LY6S: variants seen among roughly 807,000 people sequenced by gnomAD.
LY6S encodes the protein lymphocyte antigen 6 family member S, also known as lymphocyte antigen 6S.
chr8:143,052,885 C>CT, the LY6S span, among the ~76,000 whole-genome samples: 2 of 152,186 alleles, frequency 1.3e-5, no homozygotes, highest in South Asian at 4.1e-4. Flanking sequence ...TTTGAAATGA[C>CT]TTATGGGAGA....
chr8:143,043,576 C>T, the LY6S span, among the ~76,000 whole-genome samples: 1 of 152,206 alleles, frequency 6.6e-6, no homozygotes, highest in Non-Finnish European at 1.5e-5. Context: ...CTCACCCTGC[C>T]CCGGCCTTGG....
the LY6S span, among the ~76,000 whole-genome samples, chr8:143,061,318 G>C: frequency 6.6e-6 from 1 of 151,938 alleles, no homozygotes; most frequent in South Asian, 2.1e-4. Flanking sequence ...CATGCTGATA[G>C]TATTAGGCAG....
At chr8:143,057,507 C>G in the LY6S span, 337 of 758,948 alleles carry the variant, frequency 4.4e-4, 1 homozygote, top group Non-Finnish European at 4.3e-4. Context: ...CCCGGCCTCC[C>G]AAAGTGCTGG....
the LY6S span, among the ~76,000 whole-genome samples, chr8:143,069,082 A>T: frequency 6.6e-6 from 1 of 152,134 alleles, no homozygotes; most frequent in African/African-American, 2.4e-5. Flanking sequence ...CAAGGAAGCG[A>T]GCTGGCCCCG....
chr8:143,052,009 T>C, the LY6S span, among the ~76,000 whole-genome samples: 15 of 141,208 alleles, frequency 1.1e-4, no homozygotes, highest in South Asian at 2.3e-4. Context: ...AAGCCGGGCG[T>C]GGTGGCCCAA....
chr8:143,069,204 A>G, the LY6S span, among the ~76,000 whole-genome samples: 33 of 152,326 alleles, frequency 2.2e-4, no homozygotes, highest in East Asian at 5.0e-3. Context: ...AGAAAGAGAC[A>G]AGGCTGCGGA....
the LY6S span, among the ~76,000 whole-genome samples, chr8:143,074,113 G>T: frequency 6.6e-6 from 1 of 152,178 alleles, no homozygotes; most frequent in East Asian, 1.9e-4. Flanking sequence ...ACTAAATATG[G>T]TTTTCTCCAG....
At chr8:143,066,598 T>C in the LY6S span, 3 of 267,082 alleles carry the variant, frequency 1.1e-5, no homozygotes, top group African/African-American at 2.2e-5. Context: ...CTTGGAGGCA[T>C]AGACCGGAAA....
the LY6S span, among the ~76,000 whole-genome samples, chr8:143,070,119 T>A: frequency 3.3e-5 from 5 of 151,968 alleles, no homozygotes; most frequent in Non-Finnish European, 7.4e-5. Flanking sequence ...AGATGGCATC[T>A]GCTCCCTGCA....
At chr8:143,055,202 T>TG in the LY6S span, among the ~76,000 whole-genome samples, 48 of 151,824 alleles carry the variant, frequency 3.2e-4, no homozygotes, top group South Asian at 1.0e-3. Flanking sequence ...GTTTTTTTTT[T>TG]TTGTTGTTGT....
At chr8:143,072,927 G>A in the LY6S span, among the ~76,000 whole-genome samples, 3 of 87,648 alleles carry the variant, frequency 3.4e-5, no homozygotes, top group African/African-American at 7.9e-5. Flanking sequence ...CATCCCCGGG[G>A]TTCCTGTTTG....
At chr8:143,062,308 C>A in the LY6S span, among the ~76,000 whole-genome samples, 1 of 152,070 alleles carries the variant, frequency 6.6e-6, no homozygotes, top group Non-Finnish European at 1.5e-5. Flanking sequence ...ATCATCAAAA[C>A]CAATAGAATG....
chr8:143,052,420 G>A, the LY6S span, among the ~76,000 whole-genome samples: 15 of 152,176 alleles, frequency 9.9e-5, no homozygotes, highest in South Asian at 2.1e-4. Flanking sequence ...CAAAATAACC[G>A]TGGGGGCAAA....
the LY6S span, chr8:143,043,403 G>T: frequency 1.6e-5 from 7 of 433,074 alleles, no homozygotes; most frequent in Non-Finnish European, 2.8e-5. Context: ...CTTTCTGCAG[G>T]GAGGCTCCGC....
the LY6S span, among the ~76,000 whole-genome samples, chr8:143,061,857 C>T: frequency 2.4e-4 from 37 of 152,202 alleles, no homozygotes; most frequent in Admixed American, 8.5e-4. Context: ...TATTTCAATA[C>T]GAATCTTTAA....
At chr8:143,053,552 A>G in the LY6S span, 114,989 of 152,130 alleles carry the variant, frequency 0.76, 43,812 homozygotes, top group East Asian at 0.93. Context: ...CCCGCAGGAT[A>G]GGGATAGCAG....
chr8:143,063,312 C>T, the LY6S span, among the ~76,000 whole-genome samples: 1 of 152,210 alleles, frequency 6.6e-6, no homozygotes, highest in Admixed American at 6.5e-5. Context: ...AGTTGAGTTT[C>T]CTGACACCGT....
chr8:143,073,284 C>G, the LY6S span, among the ~76,000 whole-genome samples: 182 of 101,072 alleles, frequency 1.8e-3, 4 homozygotes, highest in Middle Eastern at 5.5e-3. Context: ...TTCGAGGAGA[C>G]AGCCGTCGTC....
chr8:143,073,233 G>A, the LY6S span, among the ~76,000 whole-genome samples: 7 of 150,070 alleles, frequency 4.7e-5, 1 homozygote, highest in South Asian at 2.1e-4. Flanking sequence ...CATTCTTGGG[G>A]TCCCTGTTTG....
Sources: gnomAD v4.1 joint callset for allele counts (sites outside exome capture counted in the v4.1 genomes callset) on GRCh38, gnomAD v4.1.1 for gene constraint, MANE v1.5 for transcripts, NCBI Gene and HGNC (gene_info 2026-07-23, HGNC 2026-07-21) for gene names.